The following ADAMTS18 variants were observed in gnomAD, a reference collection of about 807,000 sequenced individuals.
ADAMTS18 encodes the protein A disintegrin and metalloproteinase with thrombospondin motifs 18.
A neutral mutation model predicts 165.9 loss-of-function variants in ADAMTS18; 157 were observed. The ratio of observed to expected loss-of-function variants is 0.95; its 90% confidence interval spans 0.83 to 1.08. The LOEUF (loss-of-function observed/expected upper bound fraction) is 1.08. Among genes scored for constraint, ADAMTS18 ranks in the 50% least tolerant of loss-of-function variants. The pLI is 0.00. For missense variants in ADAMTS18, 2,040 were observed against 1,534.0 expected (o/e 1.33, Z -5.51); for synonymous variants, 782 against 578.2 (o/e 1.35, Z -5.06).
chr16:77,408,240 T>C (rs2057417097), intron 3 of ADAMTS18, among the ~76,000 whole-genome samples: 3 of 152,060 alleles, frequency 2.0e-5, no homozygotes, highest in Non-Finnish European at 4.4e-5. Context: ...GTGGAACTTG[T>C]GTGGAGAGTT....
chr16:77,432,102 A>C (rs2057747437), intron 2 of ADAMTS18, among the ~76,000 whole-genome samples: 1 of 152,200 alleles, frequency 6.6e-6, no homozygotes, highest in African/African-American at 2.4e-5. Flanking sequence ...TTTACATTTC[A>C]AGTCCTAACT....
At chr16:77,359,547 T>C (rs1261505771) in intron 7 of ADAMTS18, 124 bp from the exon 8 acceptor site, 13 of 619,644 alleles carry the variant, frequency 2.1e-5, no homozygotes, top group East Asian at 1.2e-4. Flanking sequence ...TCAGTGTTTT[T>C]GGAAAAAAAA....
At chr16:77,381,849 C>T (rs1181661195) in intron 3 of ADAMTS18, among the ~76,000 whole-genome samples, 2 of 152,090 alleles carry the variant, frequency 1.3e-5, no homozygotes, top group African/African-American at 2.4e-5. Context: ...TCAATTTTCA[C>T]ACCAAAAAGT....
intron 3 of ADAMTS18, among the ~76,000 whole-genome samples, chr16:77,423,453 T>C (rs926832662): frequency 5.3e-5 from 8 of 152,166 alleles, no homozygotes; most frequent in Non-Finnish European, 1.0e-4. Flanking sequence ...GTTTTGATAA[T>C]GATATAGTAA....
chr16:77,321,574 G>C (rs938773159), intron 14 of ADAMTS18, among the ~76,000 whole-genome samples: 1 of 151,774 alleles, frequency 6.6e-6, no homozygotes, highest in African/African-American at 2.4e-5. Flanking sequence ...AAGATCAAAG[G>C]GCTCAAACTA....
chr16:77,290,244 G>C (rs546463464), intron 21 of ADAMTS18, among the ~76,000 whole-genome samples: 3 of 152,196 alleles, frequency 2.0e-5, no homozygotes, highest in Non-Finnish European at 2.9e-5. Context: ...ATAGGCATAC[G>C]GCCTCTGTTG....
intron 3 of ADAMTS18, among the ~76,000 whole-genome samples, chr16:77,369,473 C>T (rs535981699): frequency 4.2e-4 from 64 of 152,084 alleles, no homozygotes; most frequent in South Asian, 1.2e-3. Context: ...AGGTGGTTAA[C>T]GCCAATGAAT....
intron 3 of ADAMTS18, among the ~76,000 whole-genome samples, chr16:77,402,080 C>T (rs1337946179): frequency 1.3e-5 from 2 of 152,160 alleles, no homozygotes; most frequent in African/African-American, 4.8e-5. Context: ...CGAGCCAATC[C>T]CTATAATAAG....
intron 3 of ADAMTS18, among the ~76,000 whole-genome samples, chr16:77,388,242 G>C (rs1368316573): frequency 6.6e-6 from 1 of 152,168 alleles, no homozygotes; most frequent in Non-Finnish European, 1.5e-5. Context: ...TGAGATTATA[G>C]GTCCCTGCCA....
At chr16:77,323,685 C>T (rs1399465079) in intron 13 of ADAMTS18, among the ~76,000 whole-genome samples, 2 of 152,092 alleles carry the variant, frequency 1.3e-5, no homozygotes, top group African/African-American at 4.8e-5. Context: ...AAAAAGTCTT[C>T]CCTTGTTCTT....
intron 22 of ADAMTS18, among the ~76,000 whole-genome samples, chr16:77,286,734 C>T (rs2055259243): frequency 6.6e-6 from 1 of 152,128 alleles, no homozygotes; most frequent in Non-Finnish European, 1.5e-5. Context: ...TGAGTGCCTG[C>T]TCATCCTTAA....
At chr16:77,289,453 G>T (rs894001389) in intron 21 of ADAMTS18, 42 bp from the exon 22 acceptor site, 2 of 1,607,166 alleles carry the variant, frequency 1.2e-6, no homozygotes, top group African/African-American at 1.3e-5. Context: ...ACACTCTACT[G>T]AGGTCAGTGA....
intron 3 of ADAMTS18, among the ~76,000 whole-genome samples, chr16:77,394,573 T>A (rs902721784): frequency 3.3e-5 from 5 of 152,114 alleles, no homozygotes; most frequent in Non-Finnish European, 7.4e-5. Context: ...AATACCTTAA[T>A]ATACAGAAAG....
At chr16:77,399,683 G>A (rs1379354828) in intron 3 of ADAMTS18, among the ~76,000 whole-genome samples, 4 of 152,058 alleles carry the variant, frequency 2.6e-5, no homozygotes, top group South Asian at 2.1e-4. Context: ...ATATGCTGCC[G>A]AGCACAAAGT....
rs2057779862 is a variant in ADAMTS18 at position 77,434,981 on chromosome 16, C to T, written c.-286G>A. The T allele has an allele frequency of 3.4e-6, 1 of 289,890 alleles. No individual in the cohort carries two copies. The highest frequency in any genetic ancestry group is 2.2e-5 in the African/African-American group (1 of 45,302). The allele number at this position is 289,890 out of a possible 1,614,324, so 18.0% of individuals were successfully genotyped here. On this transcript the variant is annotated 5_prime_UTR_variant, in exon 1 of 23. Transcript: ENST00000282849. ...GACTGGAGCGCAAACGGTTGGGAGA[C>T]TGTCGGTGTCTGCCCGCCCGTCTGT...
Position 77,300,257 on chromosome 16 carries a change from A to C in ADAMTS18, c.2674+6T>G, listed in dbSNP as rs769516490. On this transcript the variant is annotated splice_donor_region_variant and intron_variant, in intron 17 of 22. Transcript: ENST00000282849. ...ACTTTGGAGACAGAATGAGAAAATC[A>C]TCTACCTCCACCACAGGAGACGGAG... is the stretch of plus-strand genomic sequence containing the variant. The C allele has an allele frequency of 6.2e-7, 1 of 1,614,046 alleles. No individual in the cohort carries two copies. The highest frequency in any genetic ancestry group is 2.2e-5 in the East Asian group (1 of 44,862).
At chr16:77,413,604 G>C (rs1022918652) in intron 3 of ADAMTS18, among the ~76,000 whole-genome samples, 1 of 152,108 alleles carries the variant, frequency 6.6e-6, no homozygotes, top group Non-Finnish European at 1.5e-5. Context: ...ATTTATAATA[G>C]TGGGACATTG....
rs372870721 is a variant in ADAMTS18 at position 77,320,016 on chromosome 16, G to T, written c.2365C>A (p.Leu789Ile). 34 of 1,614,038 alleles carry T rather than the reference G, an allele frequency of 2.1e-5. No homozygotes were observed. The highest frequency in any genetic ancestry group is 2.4e-5 in the Non-Finnish European group (28 of 1,180,018). The part of the protein sequence containing the change: ...IQELQVSSSY[L>I]AVRSLSQKYY... Reference sequence around the variant, plus strand: ...TTTTGACTGAGGCTTCGAACTGCGAGGTAACTGGAGGAAACCTGCAGCTCC... The same window carrying T: ...TTTTGACTGAGGCTTCGAACTGCGATGTAACTGGAGGAAACCTGCAGCTCC... Residue 789 changes from leucine to isoleucine, a missense_variant, in exon 16 of 23, where the codon CTC (leucine) becomes ATC (isoleucine). Leu to Ile is a conservative substitution (Grantham distance 5, BLOSUM62 2). Coordinates refer to ENST00000282849, the MANE Select transcript of ADAMTS18 (RefSeq NM_199355.4).
At chr16:77,408,991 A>G (rs1462695791) in intron 3 of ADAMTS18, among the ~76,000 whole-genome samples, 1 of 137,170 alleles carries the variant, frequency 7.3e-6, no homozygotes, top group Non-Finnish European at 1.6e-5. Flanking sequence ...ATTATTATTG[A>G]TAATCTCTTA....
Sources: allele counts gnomAD v4.1 joint callset (sites outside exome capture counted in the v4.1 genomes callset), GRCh38; gene constraint gnomAD v4.1.1; transcripts MANE v1.5; gene names NCBI Gene and HGNC (gene_info 2026-07-23, HGNC 2026-07-21).